The following ARB2A variants were observed in gnomAD, a reference collection of about 807,000 sequenced individuals.
ARB2A encodes the protein ARB2 cotranscriptional regulator A.
At chr5:94,082,234 T>C in the ARB2A span, among the ~76,000 whole-genome samples, 1 of 152,264 alleles carries the variant, frequency 6.6e-6, no homozygotes, top group African/African-American at 2.4e-5. Context: ...GAAGCACTAA[T>C]TCACTTTGGT....
the ARB2A span, among the ~76,000 whole-genome samples, chr5:93,747,993 A>C: frequency 6.6e-6 from 1 of 152,210 alleles, no homozygotes; most frequent in Non-Finnish European, 1.5e-5. Flanking sequence ...GTTGCCAATC[A>C]TGGCATTGTT....
At chr5:94,016,103 G>C in the ARB2A span, among the ~76,000 whole-genome samples, 2 of 152,176 alleles carry the variant, frequency 1.3e-5, no homozygotes, top group Non-Finnish European at 2.9e-5. Flanking sequence ...GATATTCCAT[G>C]CAACTGTAAA....
At chr5:93,853,011 G>C in the ARB2A span, among the ~76,000 whole-genome samples, 9 of 152,318 alleles carry the variant, frequency 5.9e-5, no homozygotes, top group South Asian at 1.9e-3. Flanking sequence ...TTGGTAGCTT[G>C]ATGGGGATGG....
At chr5:93,971,123 C>T in the ARB2A span, among the ~76,000 whole-genome samples, 5 of 152,030 alleles carry the variant, frequency 3.3e-5, no homozygotes, top group African/African-American at 9.6e-5. Flanking sequence ...CTCAGCCACC[C>T]GAGTAGCTGG....
chr5:93,762,482 A>G, the ARB2A span, among the ~76,000 whole-genome samples: 2 of 152,192 alleles, frequency 1.3e-5, no homozygotes, highest in Non-Finnish European at 2.9e-5. Flanking sequence ...GAAATGAAGC[A>G]AGAAGAGAAG....
chr5:93,844,593 G>A, the ARB2A span, among the ~76,000 whole-genome samples: 28 of 152,042 alleles, frequency 1.8e-4, no homozygotes, highest in African/African-American at 6.5e-4. Context: ...GGGAGATATG[G>A]ACATTTAAAA....
chr5:94,013,169 A>AGTT, the ARB2A span, among the ~76,000 whole-genome samples: 1 of 148,326 alleles, frequency 6.7e-6, no homozygotes, highest in Non-Finnish European at 1.5e-5. Context: ...AGTTTCAGTA[A>AGTT]GTTGTTTTTT....
the ARB2A span, among the ~76,000 whole-genome samples, chr5:93,633,596 CAT>C: frequency 6.6e-6 from 1 of 152,284 alleles, no homozygotes; most frequent in Admixed American, 6.5e-5. Flanking sequence ...ATCTACTCAA[CAT>C]ATTCTGTCTT....
the ARB2A span, among the ~76,000 whole-genome samples, chr5:93,835,927 A>G: frequency 6.6e-6 from 1 of 152,246 alleles, no homozygotes; most frequent in African/African-American, 2.4e-5. Flanking sequence ...GCTCAATAAA[A>G]TCCAAATGGA....
At chr5:94,028,001 G>C in the ARB2A span, among the ~76,000 whole-genome samples, 19 of 152,312 alleles carry the variant, frequency 1.2e-4, no homozygotes, top group African/African-American at 4.6e-4. Context: ...CTTGCTTGGT[G>C]TATAGAAAGA....
chr5:93,861,506 G>T, the ARB2A span: 20 of 152,162 alleles, frequency 1.3e-4, no homozygotes, highest in African/African-American at 4.8e-4. Context: ...TATGGGTAGG[G>T]TCATGTGTTC....
the ARB2A span, among the ~76,000 whole-genome samples, chr5:93,845,482 A>T: frequency 6.6e-6 from 1 of 151,988 alleles, no homozygotes; most frequent in African/African-American, 2.4e-5. Flanking sequence ...GCTGTCATTC[A>T]TCAGAGAGTA....
the ARB2A span, among the ~76,000 whole-genome samples, chr5:93,699,867 GA>G: frequency 7.0e-4 from 107 of 151,774 alleles, 1 homozygote; most frequent in African/African-American, 2.4e-3. Flanking sequence ...CAGAGGCCCA[GA>G]GGTCCATGTG....
At chr5:93,760,036 A>G in the ARB2A span, among the ~76,000 whole-genome samples, 1 of 152,236 alleles carries the variant, frequency 6.6e-6, no homozygotes. Flanking sequence ...CTGATGAAAG[A>G]ATTCAGCAAA....
chr5:94,094,654 A>G, the ARB2A span, among the ~76,000 whole-genome samples: 1 of 152,202 alleles, frequency 6.6e-6, no homozygotes, highest in Non-Finnish European at 1.5e-5. Flanking sequence ...CAAATAGAAA[A>G]GCCAATTTTG....
the ARB2A span, among the ~76,000 whole-genome samples, chr5:93,990,182 AT>A: frequency 2.6e-5 from 4 of 152,226 alleles, no homozygotes; most frequent in African/African-American, 4.8e-5. Flanking sequence ...AAAAATAGGG[AT>A]TGGGGGAAAA....
At chr5:93,853,888 A>G in the ARB2A span, among the ~76,000 whole-genome samples, 1 of 152,142 alleles carries the variant, frequency 6.6e-6, no homozygotes, top group East Asian at 1.9e-4. Flanking sequence ...TTTTGCATCA[A>G]TGTTCATCAA....
At chr5:93,752,403 T>A in the ARB2A span, among the ~76,000 whole-genome samples, 1 of 152,214 alleles carries the variant, frequency 6.6e-6, no homozygotes, top group Admixed American at 6.5e-5. Flanking sequence ...CAGTTATTTA[T>A]CTAAAAGCAT....
the ARB2A span, among the ~76,000 whole-genome samples, chr5:93,849,672 T>C: frequency 6.6e-6 from 1 of 152,190 alleles, no homozygotes; most frequent in African/African-American, 2.4e-5. Flanking sequence ...CAGATAGTAT[T>C]TTCAAAAGTG....
Sources: allele counts gnomAD v4.1 joint callset (sites outside exome capture counted in the v4.1 genomes callset), GRCh38; gene constraint gnomAD v4.1.1; transcripts MANE v1.5; gene names NCBI Gene and HGNC (gene_info 2026-07-23, HGNC 2026-07-21).